The following ZNF131 variants were observed in gnomAD, a reference collection of about 807,000 sequenced individuals.
ZNF131 encodes zinc finger and BTB domain containing 35, also known as zinc finger protein 131.
A neutral mutation model predicts 60.0 loss-of-function variants in ZNF131; 7 were observed. The observed-to-expected ratio is 0.12, with a 90% CI of 0.07 to 0.22. The LOEUF (loss-of-function observed/expected upper bound fraction) is 0.22, where lower values mean the gene tolerates loss of function less well. Ranked by LOEUF, ZNF131 falls within the 10% of genes least tolerant of loss-of-function variation. The pLI is 1.00. For synonymous variants in ZNF131, 257 were observed against 253.2 expected (o/e 1.01, Z -0.14); for missense variants, 493 against 740.9 (o/e 0.67, Z 3.88).
rs149795884 is a variant in ZNF131, at chr5:43,122,282, A to G, written c.124+105A>G. ...TTTTTTTTTTTTTAACCCATCCTCT[A>G]TGGTCTCCCTACCAAAGTCTGCAGA... On this transcript the variant is annotated intron_variant, in intron 2 of 6. Coordinates refer to ENST00000682664, the MANE Select transcript of ZNF131 (RefSeq NM_001330707.2). 1.7e-3 allele frequency: 2,245 copies of G among 1,295,946 alleles called. 6 individuals are homozygous for G. Among genetic ancestry groups the G allele is most frequent in the Non-Finnish European group, 1.9e-3 (1,824 of 983,250 alleles). The allele number at this position is 1,295,946 out of a possible 1,614,324, so 80.3% of individuals were successfully genotyped here.
chr5:43,147,406 T>C (rs950647163), intron 4 of ZNF131, among the ~76,000 whole-genome samples: 1 of 150,122 alleles, frequency 6.7e-6, no homozygotes, highest in African/African-American at 2.5e-5. Flanking sequence ...TTTTTTTATT[T>C]TATTTTATTT....
At chr5:43,131,893 T>C (rs1042441183) in intron 3 of ZNF131, among the ~76,000 whole-genome samples, 54 of 152,136 alleles carry the variant, frequency 3.5e-4, no homozygotes, top group Admixed American at 7.9e-4. Flanking sequence ...CTTCAAACTT[T>C]TCCAAGCAGG....
chr5:43,154,408 C>T (rs923282233), intron 4 of ZNF131, among the ~76,000 whole-genome samples: 2 of 150,796 alleles, frequency 1.3e-5, no homozygotes, highest in African/African-American at 2.4e-5. Flanking sequence ...AGCGAGACTC[C>T]GTCTCCAAAA....
chr5:43,146,548 T>G (rs1057053516), intron 4 of ZNF131, among the ~76,000 whole-genome samples: 1 of 151,918 alleles, frequency 6.6e-6, no homozygotes, highest in Non-Finnish European at 1.5e-5. Context: ...TGAGCCGAGA[T>G]TGCGCCACTG....
chr5:43,165,750 G>T (rs1750266323), intron 5 of ZNF131, among the ~76,000 whole-genome samples: 1 of 152,182 alleles, frequency 6.6e-6, no homozygotes, highest in Non-Finnish European at 1.5e-5. Context: ...AGCTGCATTA[G>T]CTCCCAACAA....
At chr5:43,159,300 A>G (rs1194820527) in intron 4 of ZNF131, among the ~76,000 whole-genome samples, 3 of 152,140 alleles carry the variant, frequency 2.0e-5, no homozygotes, top group Non-Finnish European at 4.4e-5. Flanking sequence ...AGTTCACAAG[A>G]TGTGAGGAAA....
chr5:43,124,658 C>T (rs1020649505), intron 3 of ZNF131: 3 of 152,166 alleles, frequency 2.0e-5, no homozygotes, highest in Non-Finnish European at 4.4e-5. Flanking sequence ...AATTCATTCA[C>T]ACCTGAGGTT....
At chr5:43,167,019 T>G (rs193081600) in intron 5 of ZNF131, among the ~76,000 whole-genome samples, 3 of 152,212 alleles carry the variant, frequency 2.0e-5, no homozygotes, top group Admixed American at 2.0e-4. Flanking sequence ...TTGATCTGAT[T>G]TCAATATTGT....
chr5:43,145,977 G>A (rs1244410082), intron 4 of ZNF131, among the ~76,000 whole-genome samples: 10 of 152,156 alleles, frequency 6.6e-5, no homozygotes, highest in Non-Finnish European at 4.4e-5. Flanking sequence ...ATTCCAAAGT[G>A]GGGTATTAAT....
chr5:43,147,073 T>A (rs1338002523), intron 4 of ZNF131, among the ~76,000 whole-genome samples: 1 of 152,202 alleles, frequency 6.6e-6, no homozygotes, highest in Non-Finnish European at 1.5e-5. Context: ...TTCTATAGTG[T>A]ACCGTACAAA....
intron 4 of ZNF131, among the ~76,000 whole-genome samples, chr5:43,150,894 C>G (rs1022066226): frequency 2.0e-5 from 3 of 152,304 alleles, no homozygotes; most frequent in South Asian, 4.1e-4. Context: ...TTTGGGCACC[C>G]TGCCGTGTTG....
chr5:43,140,165 G>A (rs905837253), intron 4 of ZNF131, among the ~76,000 whole-genome samples: 103 of 152,302 alleles, frequency 6.8e-4, no homozygotes, highest in African/African-American at 2.3e-3. Context: ...TGGCTGCAGC[G>A]AGCTGTGATC....
At chr5:43,132,191 A>T (rs144840560) in intron 3 of ZNF131, among the ~76,000 whole-genome samples, 1 of 152,222 alleles carries the variant, frequency 6.6e-6, no homozygotes, top group Non-Finnish European at 1.5e-5. Flanking sequence ...CTTCTGAAAG[A>T]CAGCAAAAGC....
intron 4 of ZNF131, among the ~76,000 whole-genome samples, chr5:43,146,483 G>GGAGGCT (rs1354538411): frequency 1.3e-5 from 2 of 152,070 alleles, no homozygotes; most frequent in Non-Finnish European, 1.5e-5. Context: ...CAGCTACTCT[G>GGAGGCT]GAGGCTGAGG....
chr5:43,132,713 A>G (rs1195351438), intron 3 of ZNF131, among the ~76,000 whole-genome samples: 2 of 151,962 alleles, frequency 1.3e-5, no homozygotes, highest in Admixed American at 6.6e-5. Flanking sequence ...GCGTTTCACC[A>G]TGTTGGCCAG....
At chr5:43,142,808 T>A (rs1325629003) in intron 4 of ZNF131, among the ~76,000 whole-genome samples, 1 of 151,476 alleles carries the variant, frequency 6.6e-6, no homozygotes, top group African/African-American at 2.4e-5. Context: ...CCTCCCACCT[T>A]AGCCTCCCAA....
intron 4 of ZNF131, among the ~76,000 whole-genome samples, chr5:43,152,223 G>A (rs1382112929): frequency 1.3e-5 from 2 of 151,342 alleles, no homozygotes; most frequent in African/African-American, 2.4e-5. Flanking sequence ...GGCTGGTCTC[G>A]AACTCCCGAC....
intron 3 of ZNF131, among the ~76,000 whole-genome samples, chr5:43,130,393 G>A (rs1745184454): frequency 6.6e-6 from 1 of 151,820 alleles, no homozygotes; most frequent in Admixed American, 6.6e-5. Flanking sequence ...TACATTTTGT[G>A]AAATGAGTAA....
At chr5:43,168,520 GA>G (rs1159396639) in intron 5 of ZNF131, among the ~76,000 whole-genome samples, 1 of 152,192 alleles carries the variant, frequency 6.6e-6, no homozygotes, top group Non-Finnish European at 1.5e-5. Flanking sequence ...GGGAGATCTA[GA>G]GTGGAGTAAG....
Sources: gnomAD v4.1 joint callset for allele counts (sites outside exome capture counted in the v4.1 genomes callset) on GRCh38, gnomAD v4.1.1 for gene constraint, MANE v1.5 for transcripts, NCBI Gene and HGNC (gene_info 2026-07-23, HGNC 2026-07-21) for gene names.